Variants in DLGAP1 observed in about 807,000 individuals in gnomAD.
DLGAP1 encodes DLG associated protein 1.
In DLGAP1, 11 loss-of-function variants were observed where a neutral mutation model predicts 90.8. The observed-to-expected ratio is 0.12, with a 90% CI of 0.08 to 0.20. DLGAP1 has a LOEUF of 0.20. Among genes scored for constraint, DLGAP1 ranks in the 10% least tolerant of loss-of-function variants. The pLI is 1.00. For synonymous variants in DLGAP1, 558 were observed against 540.7 expected (o/e 1.03, Z -0.44); for missense variants, 1,050 against 1,333.8 (o/e 0.79, Z 3.31).
chr18:3,844,041 T>C (rs1169860776), intron 4 of DLGAP1, among the ~76,000 whole-genome samples: 1 of 152,180 alleles, frequency 6.6e-6, no homozygotes, highest in African/African-American at 2.4e-5. Flanking sequence ...TCTTTATCTA[T>C]AAAAGTCTGA....
At chr18:3,826,968 G>C (rs1394382552) in intron 4 of DLGAP1, among the ~76,000 whole-genome samples, 2 of 152,102 alleles carry the variant, frequency 1.3e-5, no homozygotes, top group Non-Finnish European at 2.9e-5. Flanking sequence ...CAGTAGTTAA[G>C]GGCGACTCCA....
intron 1 of DLGAP1, among the ~76,000 whole-genome samples, chr18:4,187,322 GTGC>G (rs1351322115): frequency 3.3e-5 from 5 of 152,038 alleles, no homozygotes; most frequent in African/African-American, 1.2e-4. Flanking sequence ...TCCTTGTCTT[GTGC>G]CAGTTTTCAA....
intron 2 of DLGAP1, among the ~76,000 whole-genome samples, chr18:4,063,491 T>G (rs2075329128): frequency 6.6e-6 from 1 of 152,128 alleles, no homozygotes; most frequent in Non-Finnish European, 1.5e-5. Flanking sequence ...AAACAGCTAT[T>G]GGTTGGCCAC....
In DLGAP1 at chr18:4,175,983, T is replaced by C. The variant is rs532425464; in HGVS notation, c.-266-24696A>G. 1.6e-4 allele frequency among the ~76,000 whole-genome samples: 24 copies of C among 152,348 alleles called. No individual in the cohort carries two copies. In the South Asian group the frequency reaches 5.0e-3, roughly 32 times the overall value. On this transcript the variant is annotated intron_variant, in intron 1 of 12. Transcript: ENST00000315677. ...GCGAAGAAAGTCAGTGGTAGGTTGA[T>C]TGTAATAGTATTTAATCTATAAATT...
rs59444096 is a variant in DLGAP1, at chr18:4,178,202, A to AACACACACAC, written c.-266-26925_-266-26916dup. Among the ~76,000 whole-genome samples the AACACACACAC allele has an allele frequency of 3.6e-3, 429 of 118,462 alleles. 3 individuals are homozygous for AACACACACAC. The highest frequency in any genetic ancestry group is 8.7e-3 in the Middle Eastern group (2 of 230). 77.7% of individuals were successfully genotyped at this position (118,462 alleles called of 152,430 possible). On this transcript the variant is annotated intron_variant, in intron 1 of 12. Coordinates refer to ENST00000315677, the MANE Select transcript of DLGAP1 (RefSeq NM_004746.4). The stretch of plus-strand genomic sequence containing the variant: ...TAGAAATCCTACGGGTCCTGGAATA[A>AACACACACAC]ACACACACACACACACACACACACA...
chr18:3,593,460 T>G (rs2056394088), intron 7 of DLGAP1, among the ~76,000 whole-genome samples: 1 of 152,152 alleles, frequency 6.6e-6, no homozygotes, highest in Admixed American at 6.5e-5. Flanking sequence ...ACACCATGAT[T>G]CCCGGCCCCC....
At chr18:3,852,361 CAA>C (rs1252433792) in intron 4 of DLGAP1, among the ~76,000 whole-genome samples, 1 of 152,104 alleles carries the variant, frequency 6.6e-6, no homozygotes, top group African/African-American at 2.4e-5. Flanking sequence ...CTAACCTCAG[CAA>C]AGAGTGGAGC....
chr18:3,592,716 C>G (rs1475827220), intron 7 of DLGAP1, among the ~76,000 whole-genome samples: 1 of 151,128 alleles, frequency 6.6e-6, no homozygotes, highest in East Asian at 1.9e-4. Context: ...TGGTGGTGCA[C>G]GCCTGAAGTC....
At chr18:4,283,605 G>C (rs1176172576) in intron 1 of DLGAP1, among the ~76,000 whole-genome samples, 1 of 152,126 alleles carries the variant, frequency 6.6e-6, no homozygotes, top group Non-Finnish European at 1.5e-5. Context: ...CTTATAAAGG[G>C]AGAGTGCGAA....
intron 7 of DLGAP1, among the ~76,000 whole-genome samples, chr18:3,628,119 A>G (rs905311423): frequency 1.7e-4 from 24 of 144,374 alleles, no homozygotes; most frequent in African/African-American, 6.2e-4. Context: ...CAAGTGGTCC[A>G]CCCGCCTTGG....
chr18:4,355,444 T>C (rs1433802818), intron 1 of DLGAP1, among the ~76,000 whole-genome samples: 1 of 152,194 alleles, frequency 6.6e-6, no homozygotes, highest in African/African-American at 2.4e-5. Flanking sequence ...TACCAGGGGA[T>C]AGGAATAAAG....
chr18:4,311,989 T>C (rs1171149287), intron 1 of DLGAP1, among the ~76,000 whole-genome samples: 3 of 152,188 alleles, frequency 2.0e-5, no homozygotes, highest in Non-Finnish European at 2.9e-5. Flanking sequence ...GTGCTGGGAT[T>C]ACAGATGTGA....
At chr18:4,037,083 T>G (rs1313388640) in intron 2 of DLGAP1, among the ~76,000 whole-genome samples, 1 of 152,114 alleles carries the variant, frequency 6.6e-6, no homozygotes, top group African/African-American at 2.4e-5. Flanking sequence ...GAAGTGATAA[T>G]TGGCTGGCAC....
chr18:4,148,549 A>G (rs1328001921), intron 2 of DLGAP1, among the ~76,000 whole-genome samples: 1 of 152,128 alleles, frequency 6.6e-6, no homozygotes, highest in Non-Finnish European at 1.5e-5. Context: ...ATTCAGGAGG[A>G]TGTCCAGCCT....
Position 4,366,192 on chromosome 18 carries a change from TGAAAA to T in DLGAP1, c.-267+88809_-267+88813del, listed in dbSNP as rs537052725. ...ATGGATTTACACAATCCTGAAACCC[TGAAAA>T]GAATTCATCTGGGTCCTAAATACTG... On this transcript the variant is annotated intron_variant, in intron 1 of 12. Coordinates refer to ENST00000315677, the MANE Select transcript of DLGAP1 (RefSeq NM_004746.4). Among the ~76,000 whole-genome samples the T allele has an allele frequency of 4.6e-5, 7 of 152,254 alleles. No individual in the cohort carries two copies. In the South Asian group the frequency reaches 1.5e-3, roughly 32 times the overall value.
chr18:3,566,211 C>A (rs967726694), intron 9 of DLGAP1, among the ~76,000 whole-genome samples: 2 of 152,000 alleles, frequency 1.3e-5, no homozygotes, highest in Non-Finnish European at 2.9e-5. Context: ...TTAACTCAAG[C>A]CCCAAGAGTG....
Position 4,362,825 on chromosome 18 carries a change from C to T in DLGAP1, c.-267+92181G>A, listed in dbSNP as rs759370501. On this transcript the variant is annotated intron_variant, in intron 1 of 12. Transcript: ENST00000315677. ...AGGACTCTGAAAAATCAAACAAAGACATACAAGCAACTGAAAGGCATTTAA... is the reference window on the plus strand; with the variant it reads ...AGGACTCTGAAAAATCAAACAAAGATATACAAGCAACTGAAAGGCATTTAA... 5.9e-5 allele frequency among the ~76,000 whole-genome samples: 9 copies of T among 152,080 alleles called. No individual in the cohort carries two copies. In the East Asian group the frequency reaches 1.6e-3, roughly 26 times the overall value.
At chr18:4,290,913 G>A (rs80291442) in intron 1 of DLGAP1, among the ~76,000 whole-genome samples, 2,901 of 152,178 alleles carry the variant, frequency 0.019, 101 homozygotes, top group African/African-American at 0.064. Flanking sequence ...AGTGCTCAGC[G>A]TGTTTTGATA....
At chr18:4,131,201 T>C (rs2076309944) in intron 2 of DLGAP1, among the ~76,000 whole-genome samples, 1 of 151,812 alleles carries the variant, frequency 6.6e-6, no homozygotes, top group Non-Finnish European at 1.5e-5. Context: ...CGTGGGCGTG[T>C]GTGTGTGTGT....
Sources: allele counts gnomAD v4.1 joint callset (sites outside exome capture counted in the v4.1 genomes callset), GRCh38; gene constraint gnomAD v4.1.1; transcripts MANE v1.5; gene names NCBI Gene and HGNC (gene_info 2026-07-23, HGNC 2026-07-21).